AXIN1: variants seen among roughly 807,000 people sequenced by gnomAD.
The protein encoded by AXIN1 is axin-1.
Under a neutral mutation model 76.4 loss-of-function variants are expected in AXIN1, and 30 were observed. The observed-to-expected ratio is 0.39, with a 90% CI of 0.29 to 0.53. The LOEUF (loss-of-function observed/expected upper bound fraction) is 0.53, where lower values mean the gene tolerates loss of function less well. Ranked by LOEUF, AXIN1 falls within the 20% of genes least tolerant of loss-of-function variation. AXIN1 has a pLI of 0.66. For missense variants in AXIN1, 1,140 were observed against 1,198.8 expected, an observed-to-expected ratio of 0.95 and a Z score of 0.72; for synonymous variants, 545 against 501.4, an observed-to-expected ratio of 1.09 and a Z score of -1.16.
In AXIN1 at chr16:305,905, C is replaced by T. The variant is rs2053010730; in HGVS notation, c.1117-1464G>A. The stretch of plus-strand genomic sequence containing the variant: ...TTGCTGTCCAGGCTGGCCTCAAACT[C>T]CTCCCACCTAGGCCTCCCAAAGCAC... On this transcript the variant is annotated intron_variant, in intron 4 of 10. Coordinates refer to ENST00000262320, the MANE Select transcript of AXIN1 (RefSeq NM_003502.4). Among the ~76,000 whole-genome samples the T allele has an allele frequency of 2.6e-5, 4 of 152,154 alleles. No homozygotes were observed. The South Asian group carries it at 6.2e-4, about 24-fold the overall frequency.
rs1484506584 is a variant in AXIN1, at chr16:297,852, C to T, written c.1654G>A (p.Ala552Thr). ...STARPKEQVE[A>T]EATRRAQSSF... ...CTCTGGGCCCTGCGGGTGGCCTCGG[C>T]CTCCACCTGCTCCTTGGGCCGGGCT... Residue 552 changes from alanine (A) to threonine (T), a missense_variant, in exon 6 of 11, where the codon GCC (alanine) becomes ACC (threonine). This residue lies in a region of AXIN1 where 708 missense variants were observed against 776.9 expected (regional missense o/e 0.91). Transcript: ENST00000262320. 4 of 1,579,818 alleles carry T rather than the reference C, an allele frequency of 2.5e-6. No individual in the cohort carries two copies. The highest frequency in any genetic ancestry group is 2.6e-6 in the Non-Finnish European group (3 of 1,161,910).
intron 10 of AXIN1, among the ~76,000 whole-genome samples, chr16:289,205 C>T (rs919054185): frequency 1.3e-5 from 2 of 152,028 alleles, no homozygotes; most frequent in Admixed American, 6.5e-5. Context: ...TCTGCCTCAG[C>T]CTCCCAAGTA....
chr16:291,470 C>T, intron 8 of AXIN1, 173 bp from the exon 9 acceptor site: 1 of 664,976 alleles, frequency 1.5e-6, no homozygotes, highest in East Asian at 2.7e-5. Flanking sequence ...CCTCCTAGGC[C>T]TGCCTTGGTG....
At position 298,049 on chromosome 16, in the gene AXIN1, G is replaced by A. The variant is rs2141513603; in HGVS notation, c.1457C>T (p.Ser486Leu). The stretch of plus-strand genomic sequence containing the variant: ...CGGGGAGCGATGGCCAGGCCCAGGC[G>A]ACTGGCGGCCAGGTGTCCTCAGCAC... The part of the protein sequence containing the change: ...QRVLRTPGRQ[S>L]PGPGHRSPDS... The change falls in exon 6 of 11, where the codon TCG (serine) becomes TTG (leucine). Residue 486 changes from serine to leucine, a missense_variant. This residue lies in a region of AXIN1 where 708 missense variants were observed against 776.9 expected (regional missense o/e 0.91). Transcript: ENST00000262320. 1 of 1,580,604 alleles carries A rather than the reference G, an allele frequency of 6.3e-7. No individual in the cohort carries two copies. The highest frequency in any genetic ancestry group is 8.6e-7 in the Non-Finnish European group (1 of 1,168,962).
intron 10 of AXIN1, 98 bp from the exon 11 acceptor site, chr16:288,346 A>G (rs1332656752): frequency 6.3e-7 from 1 of 1,577,080 alleles, no homozygotes; most frequent in Non-Finnish European, 8.7e-7. Context: ...CATCCCGAGG[A>G]GCCTCCTGTC....
intron 9 of AXIN1, chr16:290,707 TAGG>T: frequency 6.9e-6 from 2 of 291,574 alleles, no homozygotes; most frequent in Non-Finnish European, 1.4e-5. Flanking sequence ...GTCAGCATTG[TAGG>T]TGGGAGCAGA....
chr16:299,355 T>C (rs1443966548), intron 5 of AXIN1, among the ~76,000 whole-genome samples: 1 of 152,240 alleles, frequency 6.6e-6, no homozygotes, highest in Non-Finnish European at 1.5e-5. Flanking sequence ...TGTATCTATG[T>C]ATGTATTTAT....
intron 10 of AXIN1, among the ~76,000 whole-genome samples, chr16:289,084 T>C (rs1400531959): frequency 6.7e-6 from 1 of 148,676 alleles, no homozygotes. Flanking sequence ...TTTTTCTTCT[T>C]TTTTTTTTTT....
intron 9 of AXIN1, chr16:289,960 T>C (rs1295983053): frequency 2.4e-6 from 1 of 414,798 alleles, no homozygotes; most frequent in Admixed American, 3.7e-5. Flanking sequence ...CCCCAAACCT[T>C]AAAAACATCT....
intron 1 of AXIN1, 79 bp from the exon 2 acceptor site, chr16:347,185 C>T: frequency 8.0e-7 from 1 of 1,246,282 alleles, no homozygotes; most frequent in South Asian, 1.3e-5. Flanking sequence ...CAAGACAAGA[C>T]TCACGATGAC....
intron 4 of AXIN1, among the ~76,000 whole-genome samples, chr16:305,860 T>A (rs1242511749): frequency 3.9e-5 from 6 of 152,090 alleles, no homozygotes; most frequent in Non-Finnish European, 1.5e-5. Context: ...TAGCTTTTTT[T>A]AAAAATAGAG....
At position 320,815 on chromosome 16, in the gene AXIN1, C is replaced by CTGGG. The variant is rs138748070; in HGVS notation, c.879-6133_879-6132insCCCA. On this transcript the variant is annotated intron_variant, in intron 2 of 10. Transcript: ENST00000262320. Reference sequence around the variant, plus strand: ...AGTGCAGTGGCGCGATCTCGGCTCACTACAACCTCCGCCTCCTGGGTTCAA... The same window carrying CTGGG: ...AGTGCAGTGGCGCGATCTCGGCTCACTGGGTACAACCTCCGCCTCCTGGGTTCAA... Among the ~76,000 whole-genome samples, 636 of 143,626 alleles carry CTGGG rather than the reference C, an allele frequency of 4.4e-3. 5 individuals carry two copies. The highest frequency in any genetic ancestry group is 7.3e-3 in the Non-Finnish European group (490 of 66,728). 94.2% of individuals were successfully genotyped at this position (143,626 alleles called of 152,430 possible). A position where few individuals can be genotyped will look rare whatever the true frequency, so the allele number is the denominator to read the frequency against.
intron 2 of AXIN1, among the ~76,000 whole-genome samples, chr16:330,103 C>T (rs1312394092): frequency 6.7e-6 from 1 of 150,358 alleles, no homozygotes; most frequent in Non-Finnish European, 1.5e-5. Context: ...CTCTGTCAAC[C>T]AGGCTGGAGA....
intron 2 of AXIN1, among the ~76,000 whole-genome samples, chr16:345,394 A>G (rs2054013055): frequency 6.6e-6 from 1 of 152,232 alleles, no homozygotes; most frequent in African/African-American, 2.4e-5. Flanking sequence ...CTCAGCCTGT[A>G]GGAAGAAGCT....
chr16:291,099 A>G, intron 9 of AXIN1, 91 bp downstream of exon 9: 1 of 1,270,948 alleles, frequency 7.9e-7, no homozygotes, highest in South Asian at 1.3e-5. Flanking sequence ...CCCGAGCTCA[A>G]GCCCCGGGAC....
intron 1 of AXIN1, among the ~76,000 whole-genome samples, chr16:350,636 A>G (rs2054124441): frequency 6.6e-6 from 1 of 152,136 alleles, no homozygotes; most frequent in South Asian, 2.1e-4. Flanking sequence ...CATTGATTTA[A>G]CTCTTGAAGG....
chr16:291,555 G>T, intron 8 of AXIN1: 1 of 551,020 alleles, frequency 1.8e-6, no homozygotes, highest in South Asian at 2.0e-5. Flanking sequence ...CCGCACTTTG[G>T]GGAGCTTCCG....
chr16:304,522 C>T (rs2141548488), intron 4 of AXIN1, 81 bp from the exon 5 acceptor site: 1 of 1,591,710 alleles, frequency 6.3e-7, no homozygotes, highest in Non-Finnish European at 8.6e-7. Flanking sequence ...AGAGCGTGTG[C>T]TATCTCTGTT....
chr16:344,302 C>T (rs1387728714), intron 2 of AXIN1, among the ~76,000 whole-genome samples: 2 of 151,222 alleles, frequency 1.3e-5, no homozygotes, highest in African/African-American at 2.4e-5. Context: ...TGGTGGCGGG[C>T]GCCTGTAGTC....
Sources: gnomAD v4.1 joint callset for allele counts (sites outside exome capture counted in the v4.1 genomes callset) on GRCh38, gnomAD v4.1.1 for gene constraint, gnomAD v4.1.1 regional missense constraint, MANE v1.5 for transcripts, NCBI Gene and HGNC (gene_info 2026-07-23, HGNC 2026-07-21) for gene names.